Variants in CCL26 observed in about 807,000 individuals in gnomAD.
CCL26 encodes the protein C-C motif chemokine ligand 26.
Under a neutral mutation model 10.7 loss-of-function variants are expected in CCL26, and 10 were observed. The ratio of observed to expected loss-of-function variants is 0.93; its 90% CI spans 0.57 to 1.58. CCL26 has a LOEUF of 1.58. CCL26 is among the 40% of genes most tolerant of loss of function. The pLI is 0.00. For synonymous variants in CCL26, 43 were observed against 41.4 expected (o/e 1.04, Z -0.15); for missense variants, 116 against 111.0 (o/e 1.05, Z -0.20).
intron 2 of CCL26, among the ~76,000 whole-genome samples, chr7:75,771,492 G>C (rs1391770966): frequency 6.6e-6 from 1 of 152,052 alleles, no homozygotes; most frequent in Non-Finnish European, 1.5e-5. Context: ...AGGCTGAGGC[G>C]GGCAAATCAC....
chr7:75,783,614 C>T (rs967268675), intron 1 of CCL26, among the ~76,000 whole-genome samples: 1 of 150,198 alleles, frequency 6.7e-6, no homozygotes, highest in African/African-American at 2.4e-5. Context: ...GGTGAAACCC[C>T]ATCTCTACTA....
intron 1 of CCL26, among the ~76,000 whole-genome samples, chr7:75,779,234 G>A (rs1803008196): frequency 6.6e-6 from 1 of 152,060 alleles, no homozygotes; most frequent in East Asian, 1.9e-4. Context: ...CAGCCCGCCT[G>A]CACTCAGGTG....
At chr7:75,771,601 A>T (rs1439448991) in intron 2 of CCL26, among the ~76,000 whole-genome samples, 2 of 152,206 alleles carry the variant, frequency 1.3e-5, no homozygotes, top group African/African-American at 4.8e-5. Flanking sequence ...CTGTAATTCC[A>T]GCTACTTGGG....
At chr7:75,785,477 C>A (rs1803164281) in intron 1 of CCL26, among the ~76,000 whole-genome samples, 1 of 152,130 alleles carries the variant, frequency 6.6e-6, no homozygotes, top group African/African-American at 2.4e-5. Flanking sequence ...TATCAGGTAT[C>A]CCCCACAAAG....
At chr7:75,790,694 A>C (rs1803312188), upstream of CCL26, among the ~76,000 whole-genome samples, 1 of 152,164 alleles carries the variant, frequency 6.6e-6, no homozygotes, top group South Asian at 2.1e-4. Context: ...CAGTAATCCC[A>C]GCACTGTGGG....
chr7:75,770,300 C>A (rs1802795110), intron 2 of CCL26, among the ~76,000 whole-genome samples: 1 of 152,148 alleles, frequency 6.6e-6, no homozygotes, highest in African/African-American at 2.4e-5. Context: ...GAACTCCTGA[C>A]CTCAGGTGAT....
chr7:75,779,823 A>G (rs1413921356), intron 1 of CCL26, among the ~76,000 whole-genome samples: 1 of 152,144 alleles, frequency 6.6e-6, no homozygotes, highest in African/African-American at 2.4e-5. Context: ...ATTGCAGCCC[A>G]GGGCTGCTCC....
chr7:75,782,330 C>T (rs185270352), intron 1 of CCL26, among the ~76,000 whole-genome samples: 15 of 151,798 alleles, frequency 9.9e-5, no homozygotes, highest in South Asian at 4.2e-4. Flanking sequence ...TATTCACCCA[C>T]GTTGCATTGG....
intron 1 of CCL26, among the ~76,000 whole-genome samples, chr7:75,777,408 A>G (rs1563337156): frequency 6.6e-6 from 1 of 152,122 alleles, no homozygotes; most frequent in East Asian, 1.9e-4. Flanking sequence ...CGCAGTGAGA[A>G]TGAACTACAG....
At position 75,782,309 on chromosome 7, in the gene CCL26, G is replaced by A. The variant is rs1202131282; in HGVS notation, c.-79+7408C>T. On this transcript the variant is annotated intron_variant, in intron 1 of 3. Coordinates refer to the CCL26 transcript ENST00000394905. ...CTTGGTGTTTAATCATTGCGGGGACGCCTCTCTGATTATTCACCCACGTTG... is the reference window on the plus strand; with the variant it reads ...CTTGGTGTTTAATCATTGCGGGGACACCTCTCTGATTATTCACCCACGTTG... Among the ~76,000 whole-genome samples, 14 of 151,994 alleles carry A rather than the reference G, an allele frequency of 9.2e-5. 1 individual carries two copies. The highest frequency in any genetic ancestry group is 2.4e-4 in the African/African-American group (10 of 41,382).
At chr7:75,776,359 C>T (rs1802940147), upstream of CCL26, among the ~76,000 whole-genome samples, 1 of 151,620 alleles carries the variant, frequency 6.6e-6, no homozygotes, top group Non-Finnish European at 1.5e-5. Flanking sequence ...GTGTGAGCCA[C>T]CACACCCAGC....
intron 1 of CCL26, among the ~76,000 whole-genome samples, chr7:75,787,935 A>G (rs1157259313): frequency 6.6e-6 from 1 of 152,026 alleles, no homozygotes; most frequent in East Asian, 1.9e-4. Flanking sequence ...ATCGTTTTAT[A>G]TGACAAATGC....
chr7:75,790,207 C>CTT (rs1432258195), upstream of CCL26, among the ~76,000 whole-genome samples: 1 of 117,628 alleles, frequency 8.5e-6, no homozygotes, highest in Non-Finnish European at 1.8e-5. Flanking sequence ...TTCTTTCTTT[C>CTT]TTTCTTTCTT....
At chr7:75,789,967 C>T (rs1292751953), upstream of CCL26, 2 of 152,046 alleles carry the variant, frequency 1.3e-5, no homozygotes, top group South Asian at 2.1e-4. Context: ...AATCTCCCAT[C>T]CCACAGATTG....
rs11465334 is a variant in CCL26, at chr7:75,772,123, G to T, written c.54C>A (p.Leu18=). 1.5e-3 allele frequency: 2,419 copies of T among 1,566,588 alleles called. 23 individuals are homozygous for T. The African/African-American group carries it at 0.029, about 19-fold the overall frequency. Residue 18 remains leucine (L), a synonymous_variant, in exon 1 of 3, where the codon CTC becomes CTA. Coordinates refer to ENST00000005180, the MANE Select transcript of CCL26 (RefSeq NM_001371938.1). ...ACGTACGTGTGGCAGTTCCAAGGTG[G>T]AGACTCAGGAGGGAGGCCAGGAGCA... ...SAVLLASLLS[L]HLGTATRGSD... is the part of the protein sequence containing the mutation.
chr7:75,771,906 G>C lies in CCL26; in HGVS notation c.171C>G (p.Cys57Trp). 4 of 1,612,528 alleles carry C rather than the reference G, an allele frequency of 2.5e-6. No homozygotes were observed. Among genetic ancestry groups the C allele is most frequent in the Non-Finnish European group, 3.4e-6 (4 of 1,178,498 alleles). The change falls in exon 2 of 3, where the codon TGC (cysteine) becomes TGG (tryptophan). Residue 57 changes from cysteine (C) to tryptophan (W), a missense_variant. Cys to Trp is a radical substitution (Grantham distance 215, BLOSUM62 -2). Coordinates refer to ENST00000005180, the MANE Select transcript of CCL26 (RefSeq NM_001371938.1). ...VRSYEFTSNS[C>W]SQRAVIFTTK... ...ATACTCACATCACAGCCCGCTGGGA[G>C]CAGCTGTTACTGGTGAATTCATAGC... is the stretch of plus-strand genomic sequence containing the variant.
At chr7:75,781,613 C>A (rs1341248838) in intron 1 of CCL26, among the ~76,000 whole-genome samples, 1 of 152,216 alleles carries the variant, frequency 6.6e-6, no homozygotes, top group East Asian at 1.9e-4. Flanking sequence ...CCTGAAGTAA[C>A]TGAACAATCA....
chr7:75,781,593 A>G (rs1803065306), intron 1 of CCL26, among the ~76,000 whole-genome samples: 1 of 152,208 alleles, frequency 6.6e-6, no homozygotes, highest in African/African-American at 2.4e-5. Flanking sequence ...GCACGTATGC[A>G]TCCAGATGGC....
At chr7:75,775,318 A>G (rs1194552797), upstream of CCL26, among the ~76,000 whole-genome samples, 1 of 152,002 alleles carries the variant, frequency 6.6e-6, no homozygotes, top group East Asian at 1.9e-4. Context: ...CTTGTCTTTT[A>G]TTTTGGAAGA....
Sources: gnomAD v4.1 joint callset for allele counts (sites outside exome capture counted in the v4.1 genomes callset) on GRCh38, gnomAD v4.1.1 for gene constraint, MANE v1.5 for transcripts, NCBI Gene and HGNC (gene_info 2026-07-23, HGNC 2026-07-21) for gene names.